Variants in WWP1 observed in about 807,000 individuals in gnomAD.
The protein encoded by WWP1 is NEDD4-like E3 ubiquitin-protein ligase WWP1.
Under a neutral mutation model 130.6 loss-of-function variants are expected in WWP1, and 49 were observed. The ratio of observed to expected loss-of-function variants is 0.38; its 90% CI spans 0.30 to 0.48. The LOEUF is 0.48. Among genes scored for constraint, WWP1 ranks in the 20% least tolerant of loss-of-function variants. The pLI, the probability that WWP1 is intolerant of heterozygous loss-of-function variation, is 0.99. For synonymous variants in WWP1, 332 were observed against 367.8 expected (o/e 0.90, Z 1.11); for missense variants, 809 against 1,100.6 (o/e 0.74, Z 3.75).
intron 1 of WWP1, among the ~76,000 whole-genome samples, chr8:86,354,180 T>C (rs1232042773): frequency 6.6e-6 from 1 of 152,242 alleles, no homozygotes; most frequent in Non-Finnish European, 1.5e-5. Context: ...ATGGGTTTCT[T>C]GTGTGACTTA....
At chr8:86,390,143 C>G (rs897727983) in intron 5 of WWP1, among the ~76,000 whole-genome samples, 1 of 151,728 alleles carries the variant, frequency 6.6e-6, no homozygotes, top group African/African-American at 2.4e-5. Context: ...GATGGGCAGC[C>G]GGGCAGACAC....
intron 1 of WWP1, among the ~76,000 whole-genome samples, chr8:86,359,876 C>A (rs923883323): frequency 6.6e-6 from 1 of 151,916 alleles, no homozygotes; most frequent in South Asian, 2.1e-4. Flanking sequence ...AGTGAAACCC[C>A]GTCTCTACTA....
At chr8:86,393,503 A>G (rs546203062) in intron 5 of WWP1, among the ~76,000 whole-genome samples, 6 of 152,248 alleles carry the variant, frequency 3.9e-5, no homozygotes, top group African/African-American at 9.6e-5. Context: ...TCAGCCTCCC[A>G]AAGTGCTGGG....
intron 8 of WWP1, among the ~76,000 whole-genome samples, chr8:86,406,425 TCA>T (rs367922814): frequency 3.9e-5 from 6 of 152,330 alleles, no homozygotes; most frequent in African/African-American, 1.4e-4. Flanking sequence ...ATGGTGAGTT[TCA>T]GACAGAAGTA....
intron 9 of WWP1, among the ~76,000 whole-genome samples, chr8:86,420,115 A>C (rs944508600): frequency 3.9e-5 from 6 of 152,182 alleles, no homozygotes; most frequent in Non-Finnish European, 7.3e-5. Context: ...GTGAAAGTAA[A>C]AGACGTTGGA....
intron 9 of WWP1, among the ~76,000 whole-genome samples, chr8:86,422,112 A>G (rs1292909080): frequency 6.6e-6 from 1 of 152,148 alleles, no homozygotes; most frequent in African/African-American, 2.4e-5. Context: ...AAATATATAG[A>G]TGAAACTGAT....
At chr8:86,401,465 CAGG>C (rs1285204643) in intron 7 of WWP1, among the ~76,000 whole-genome samples, 8 of 151,192 alleles carry the variant, frequency 5.3e-5, no homozygotes, top group Non-Finnish European at 1.2e-4. Flanking sequence ...GAGGCTGAGG[CAGG>C]AGGATTACTT....
intron 1 of WWP1, among the ~76,000 whole-genome samples, chr8:86,351,414 T>C (rs1822907593): frequency 6.6e-6 from 1 of 151,876 alleles, no homozygotes; most frequent in Admixed American, 6.6e-5. Context: ...TCATGGTTCA[T>C]AGCAGGCTTG....
Position 86,466,777 on chromosome 8 carries a change from T to A in WWP1, c.2670-17T>A. 2 of 1,509,188 alleles carry A rather than the reference T, an allele frequency of 1.3e-6. No individual in the cohort carries two copies. Among genetic ancestry groups the A allele is most frequent in the East Asian group, 2.3e-5 (1 of 43,732 alleles). The allele number at this position is 1,509,188 out of a possible 1,614,324, so 93.5% of individuals were successfully genotyped here. On this transcript the variant is annotated splice_polypyrimidine_tract_variant and intron_variant, in intron 24 of 24. Transcript: ENST00000517970. ...ATTTTATTGAAAACATCTGATTTTG[T>A]TTTTGTTTCTGTTCAGTTTTAATCG...
At chr8:86,392,031 G>A (rs1343639554) in intron 5 of WWP1, among the ~76,000 whole-genome samples, 1 of 152,214 alleles carries the variant, frequency 6.6e-6, no homozygotes, top group Non-Finnish European at 1.5e-5. Flanking sequence ...TCTTTTGGCA[G>A]CCTTAAGTTT....
intron 1 of WWP1, among the ~76,000 whole-genome samples, chr8:86,355,775 C>T (rs1329306324): frequency 1.3e-5 from 2 of 152,162 alleles, no homozygotes; most frequent in Non-Finnish European, 1.5e-5. Context: ...AGCTTAACAG[C>T]CCACAAAACC....
intron 13 of WWP1, 28 bp from the exon 14 acceptor site, chr8:86,431,587 A>T: frequency 6.2e-7 from 1 of 1,612,994 alleles, no homozygotes; most frequent in Non-Finnish European, 8.5e-7. Context: ...GAAAAGGTTC[A>T]TCTTGTGATT....
intron 21 of WWP1, among the ~76,000 whole-genome samples, chr8:86,452,925 G>A (rs1361552739): frequency 6.6e-6 from 1 of 152,110 alleles, no homozygotes; most frequent in Non-Finnish European, 1.5e-5. Context: ...GGGTCTTGAA[G>A]AGTTGTTGGA....
chr8:86,409,295 G>A (rs188399772), intron 8 of WWP1, among the ~76,000 whole-genome samples: 7 of 135,902 alleles, frequency 5.2e-5, no homozygotes, highest in South Asian at 4.6e-4. Flanking sequence ...GTACAGTGGC[G>A]TGATCCTGGC....
intron 1 of WWP1, among the ~76,000 whole-genome samples, chr8:86,353,492 G>GT (rs201550416): frequency 2.8e-4 from 42 of 149,460 alleles, no homozygotes; most frequent in South Asian, 6.4e-4. Context: ...GGAGCCTATT[G>GT]TTTTTTTTTT....
chr8:86,383,831 A>G (rs1231739946), intron 5 of WWP1, among the ~76,000 whole-genome samples: 2 of 152,204 alleles, frequency 1.3e-5, no homozygotes, highest in African/African-American at 4.8e-5. Flanking sequence ...AATTTAATAA[A>G]CACTCATACA....
At chr8:86,443,176 G>A (rs1810682633) in intron 18 of WWP1, among the ~76,000 whole-genome samples, 2 of 151,956 alleles carry the variant, frequency 1.3e-5, no homozygotes, top group South Asian at 4.2e-4. Context: ...AGACTCAAAC[G>A]ATCCTCCCAC....
intron 5 of WWP1, among the ~76,000 whole-genome samples, chr8:86,392,648 A>T (rs1276106335): frequency 6.6e-6 from 1 of 152,202 alleles, no homozygotes; most frequent in African/African-American, 2.4e-5. Flanking sequence ...GAGCATAGTC[A>T]AATTTGGTTT....
At chr8:86,424,583 ACT>A (rs1040600430) in intron 9 of WWP1, among the ~76,000 whole-genome samples, 1 of 151,610 alleles carries the variant, frequency 6.6e-6, no homozygotes, top group Non-Finnish European at 1.5e-5. Flanking sequence ...CTGGCAGATC[ACT>A]CGCCGTTAGG....
Sources: allele counts gnomAD v4.1 joint callset (sites outside exome capture counted in the v4.1 genomes callset), GRCh38; gene constraint gnomAD v4.1.1; transcripts MANE v1.5; gene names NCBI Gene and HGNC (gene_info 2026-07-23, HGNC 2026-07-21).